Variants in ADGRV1 observed in about 807,000 individuals in gnomAD.
ADGRV1 encodes the protein G-protein coupled receptor 98.
Under a neutral mutation model 596.2 loss-of-function variants are expected in ADGRV1, and 359 were observed. The observed-to-expected ratio is 0.60, with a 90% CI of 0.55 to 0.66. The LOEUF (loss-of-function observed/expected upper bound fraction) is 0.66, where lower values mean the gene tolerates loss of function less well. ADGRV1 is among the 30% of genes least tolerant of loss of function. ADGRV1 has a pLI of 0.00. For missense variants in ADGRV1, 7,274 were observed against 7,575.6 expected (o/e 0.96, Z 1.48); for synonymous variants, 2,681 against 2,679.2 (o/e 1.00, Z -0.02).
At chr5:90,594,603 C>G (rs1286841867) in intron 1 of ADGRV1, among the ~76,000 whole-genome samples, 3 of 143,582 alleles carry the variant, frequency 2.1e-5, no homozygotes, top group Non-Finnish European at 4.5e-5. Context: ...ACAAAGGTCT[C>G]TGGTTTTCCT....
At chr5:90,675,469 G>C in intron 24 of ADGRV1, 24 bp downstream of exon 24, 1 of 1,591,588 alleles carries the variant, frequency 6.3e-7, no homozygotes, top group South Asian at 1.1e-5. Context: ...TCCTTTTGAA[G>C]TTGTATTTGC....
intron 85 of ADGRV1, among the ~76,000 whole-genome samples, chr5:91,056,698 C>T (rs375707654): frequency 7.2e-5 from 11 of 152,202 alleles, no homozygotes; most frequent in African/African-American, 1.7e-4. Flanking sequence ...TGTCAACTTC[C>T]GATGGCTGCC....
intron 77 of ADGRV1, 93 bp downstream of exon 77, chr5:90,829,279 T>A (rs1236399011): frequency 2.7e-5 from 29 of 1,073,414 alleles, no homozygotes; most frequent in Non-Finnish European, 3.6e-5. Flanking sequence ...ATACATTATT[T>A]TCTGAGGATA....
At chr5:91,054,102 T>TGTGTGTGAGAGA (rs1299621929) in intron 85 of ADGRV1, among the ~76,000 whole-genome samples, 50 of 126,738 alleles carry the variant, frequency 3.9e-4, no homozygotes, top group African/African-American at 1.1e-3. Context: ...TGTGTGTGTG[T>TGTGTGTGAGAGA]GAGAGAGAGA....
chr5:91,150,137 C>T lies in ADGRV1; in HGVS notation c.18540C>T (p.Ala6180=), dbSNP rs745824130. 1.3e-6 allele frequency: 2 copies of T among 1,594,356 alleles called. No individual in the cohort carries two copies. Among genetic ancestry groups the T allele is most frequent in the Non-Finnish European group, 1.7e-6 (2 of 1,171,092 alleles). The change falls in exon 88 of 90, where the codon GCC becomes GCT. Residue 6180 remains alanine, a synonymous_variant. Coordinates refer to ENST00000405460, the MANE Select transcript of ADGRV1 (RefSeq NM_032119.4). ...EMNGHPGPST[A]FFTPGSGMPP... ...ATGGGCATCCTGGACCCAGCACAGC[C>T]TTTTTCACGCCCGGGAGTGGAATGC...
chr5:90,972,806 G>T (rs1581675831), intron 84 of ADGRV1, among the ~76,000 whole-genome samples: 1 of 152,132 alleles, frequency 6.6e-6, no homozygotes, highest in South Asian at 2.1e-4. Flanking sequence ...AGAAGCAAGA[G>T]CAAACACATT....
chr5:91,102,360 T>C lies in ADGRV1; in HGVS notation c.18432+20T>C. The C allele has an allele frequency of 1.9e-6, 3 of 1,563,820 alleles. No homozygotes were observed. Among genetic ancestry groups the C allele is most frequent in the Non-Finnish European group, 2.6e-6 (3 of 1,156,620 alleles). On this transcript the variant is annotated intron_variant, in intron 87 of 89. Coordinates refer to ENST00000405460, the MANE Select transcript of ADGRV1 (RefSeq NM_032119.4). ...CTGCAGGTAAGCCTTACAATTTGGT[T>C]AGTGACAACATACATTTATCTTAAT...
chr5:90,838,245 A>AT (rs79081926), intron 77 of ADGRV1, among the ~76,000 whole-genome samples: 8,538 of 149,310 alleles, frequency 0.057, 281 homozygotes, highest in South Asian at 0.11. Flanking sequence ...GCATTCATTG[A>AT]TTTTTTTTTT....
At chr5:90,786,777 C>T (rs10942608) in intron 67 of ADGRV1, among the ~76,000 whole-genome samples, 23,432 of 152,164 alleles carry the variant, frequency 0.15, 2,447 homozygotes, top group Non-Finnish European at 0.22. Flanking sequence ...GGGTTGTTTA[C>T]TAAGATGCAG....
chr5:90,602,683 TGTG>T (rs561630406), intron 1 of ADGRV1, among the ~76,000 whole-genome samples: 11 of 152,170 alleles, frequency 7.2e-5, no homozygotes, highest in African/African-American at 2.7e-4. Flanking sequence ...CCCAATGTAA[TGTG>T]GTGTCCTGGA....
At chr5:90,992,268 T>A (rs796151912) in intron 85 of ADGRV1, among the ~76,000 whole-genome samples, 33 of 152,370 alleles carry the variant, frequency 2.2e-4, no homozygotes, top group African/African-American at 7.7e-4. Flanking sequence ...ATTCTAAACA[T>A]GCTCAGTATA....
intron 1 of ADGRV1, among the ~76,000 whole-genome samples, chr5:90,610,749 G>A (rs539585832): frequency 5.3e-5 from 8 of 151,998 alleles, no homozygotes; most frequent in East Asian, 1.9e-4. Context: ...TGAAAGTGAC[G>A]GAAAACCCAA....
intron 83 of ADGRV1, among the ~76,000 whole-genome samples, chr5:90,910,028 C>T (rs1581483663): frequency 2.6e-5 from 4 of 152,210 alleles, no homozygotes; most frequent in Non-Finnish European, 2.9e-5. Flanking sequence ...GTCCTGGAGG[C>T]GCTGACAGCA....
chr5:90,826,725 A>C (rs886834667), intron 76 of ADGRV1, among the ~76,000 whole-genome samples: 5 of 152,208 alleles, frequency 3.3e-5, no homozygotes, highest in African/African-American at 1.2e-4. Flanking sequence ...TTGCAGACAC[A>C]ACAAATGCAT....
intron 83 of ADGRV1, among the ~76,000 whole-genome samples, chr5:90,923,558 A>G (rs1391346349): frequency 6.6e-6 from 1 of 152,176 alleles, no homozygotes; most frequent in Non-Finnish European, 1.5e-5. Context: ...GAAAAAAATC[A>G]AACAAAACAA....
chr5:90,888,095 T>C (rs1345248370), intron 83 of ADGRV1, among the ~76,000 whole-genome samples: 3 of 152,188 alleles, frequency 2.0e-5, no homozygotes, highest in Non-Finnish European at 4.4e-5. Flanking sequence ...TTGAATATTG[T>C]CCTGTTCTGT....
chr5:90,763,579 A>G (rs1006656598), intron 59 of ADGRV1, 110 bp downstream of exon 59: 8 of 1,040,706 alleles, frequency 7.7e-6, no homozygotes, highest in Non-Finnish European at 7.0e-6. Context: ...TTACATGGGT[A>G]TATTGCATAA....
chr5:90,849,419 C>T (rs140056399), intron 79 of ADGRV1, among the ~76,000 whole-genome samples: 2,091 of 152,060 alleles, frequency 0.014, 18 homozygotes, highest in Non-Finnish European at 0.021. Context: ...GATGGAGTTT[C>T]GCTCTTGTCG....
chr5:90,778,335 T>C, intron 62 of ADGRV1, 92 bp from the exon 63 acceptor site: 1 of 1,088,628 alleles, frequency 9.2e-7, no homozygotes, highest in Admixed American at 2.1e-5. Flanking sequence ...AGGAGATTAA[T>C]ATTACAAAAT....
Sources: gnomAD v4.1 joint callset for allele counts (sites outside exome capture counted in the v4.1 genomes callset) on GRCh38, gnomAD v4.1.1 for gene constraint, MANE v1.5 for transcripts, NCBI Gene and HGNC (gene_info 2026-07-23, HGNC 2026-07-21) for gene names.